Variants in FAM174B observed in about 807,000 individuals in gnomAD.
FAM174B encodes the protein membrane protein FAM174B.
In FAM174B, 12 loss-of-function variants were observed where a neutral mutation model predicts 10.9. The ratio of observed to expected loss-of-function variants is 1.10; its 90% CI spans 0.71 to 1.79. The LOEUF is 1.79. Among genes scored for constraint, FAM174B ranks in the 40% most tolerant of loss-of-function variants. The pLI, the probability that FAM174B is intolerant of heterozygous loss-of-function variation, is 0.00. For missense variants in FAM174B, 266 were observed against 233.3 expected (o/e 1.14, Z -0.91); for synonymous variants, 132 against 115.8 (o/e 1.14, Z -0.90).
intron 1 of FAM174B, among the ~76,000 whole-genome samples, chr15:92,642,586 G>C (rs568207435): frequency 1.8e-4 from 28 of 152,212 alleles, no homozygotes; most frequent in African/African-American, 6.3e-4. Flanking sequence ...GTTTTATAAG[G>C]GGATTTTCCC....
chr15:92,617,641 C>T lies in FAM174B; in HGVS notation c.*1815G>A. On this transcript the variant is annotated 3_prime_UTR_variant, in exon 3 of 3. Coordinates refer to ENST00000327355, the MANE Select transcript of FAM174B (RefSeq NM_207446.3). ...GATTCAGCTGCAGTTGTCGAAAACC[C>T]TGTGTGAGCCAGCAGTTCCAGTTCA... The T allele has an allele frequency of 1.5e-6, 1 of 663,186 alleles. No individual in the cohort carries two copies. The highest frequency in any genetic ancestry group is 2.9e-5 in the East Asian group (1 of 33,954). The allele number at this position is 663,186 out of a possible 1,614,324, so 41.1% of individuals were successfully genotyped here. A position where few individuals can be genotyped will look rare whatever the true frequency, so the allele number is the denominator to read the frequency against.
In FAM174B at chr15:92,655,665, G is replaced by C. The variant is rs1460134354; in HGVS notation, c.-6C>G. The stretch of plus-strand genomic sequence containing the variant: ...GGCAGCGGCACGGCGCGCATAGTGC[G>C]GTGGGTCGGCACAGGATCGGGCAGG... On this transcript the variant is annotated 5_prime_UTR_variant, in exon 1 of 3. Transcript: ENST00000327355. 5 of 1,259,044 alleles carry C rather than the reference G, an allele frequency of 4.0e-6. No homozygotes were observed. Among genetic ancestry groups the C allele is most frequent in the Non-Finnish European group, 9.9e-7 (1 of 1,007,274 alleles). 78.0% of individuals were successfully genotyped at this position (1,259,044 alleles called of 1,614,324 possible).
rs1229486296 is a variant in FAM174B, at chr15:92,655,398, G to C, written c.262C>G (p.Leu88Val). Residue 88 changes from leucine to valine, a missense_variant, in exon 1 of 3, where the codon CTA becomes GTA. Physicochemically the swap from Leu to Val is conservative, Grantham distance 32 (BLOSUM62 1). Transcript: ENST00000327355. ...VTRISILLRD[L>V]PTLKAAVIVA... ...ATCACGGCTGCCTTGAGGGTGGGTA[G>C]GTCGCGGAGGAGGATGGAAATGCGG... The C allele has an allele frequency of 1.2e-6, 2 of 1,600,470 alleles. No homozygotes were observed. The highest frequency in any genetic ancestry group is 8.5e-7 in the Non-Finnish European group (1 of 1,174,472).
chr15:92,639,004 G>A (rs1567047618), intron 1 of FAM174B, among the ~76,000 whole-genome samples: 1 of 152,232 alleles, frequency 6.6e-6, no homozygotes, highest in African/African-American at 2.4e-5. Flanking sequence ...CCTCCCGCCA[G>A]TGAGGCAAGG....
chr15:92,626,880 G>A (rs757860680), intron 2 of FAM174B, among the ~76,000 whole-genome samples: 16 of 151,832 alleles, frequency 1.1e-4, no homozygotes, highest in African/African-American at 3.4e-4. Context: ...GTGAAACCCC[G>A]TCACCACTAA....
chr15:92,642,158 CAAT>C (rs2050896017), intron 1 of FAM174B, among the ~76,000 whole-genome samples: 2 of 152,114 alleles, frequency 1.3e-5, no homozygotes, highest in Admixed American at 6.5e-5. Context: ...AAAAGACAGA[CAAT>C]AACAAATGTT....
At position 92,619,296 on chromosome 15, in the gene FAM174B, G is replaced by A; in HGVS notation, c.*160C>T. On this transcript the variant is annotated 3_prime_UTR_variant, in exon 3 of 3. Transcript: ENST00000327355. ...AACGAGCTTGCCAGTGACAGTCTGA[G>A]CAGATGCCTGACACGCACGATGGAG... The A allele has an allele frequency of 1.3e-6, 1 of 789,536 alleles. No homozygotes were observed. 48.9% of individuals were successfully genotyped at this position (789,536 alleles called of 1,614,324 possible). A position where few individuals can be genotyped will look rare whatever the true frequency, so the allele number is the denominator to read the frequency against.
At chr15:92,630,146 C>G in intron 2 of FAM174B, 68 bp downstream of exon 2, 1 of 1,546,352 alleles carries the variant, frequency 6.5e-7, no homozygotes, top group South Asian at 1.1e-5. Flanking sequence ...GGACACCATG[C>G]CTGACCTCGA....
rs1273047764 is a variant in FAM174B at position 92,619,360 on chromosome 15, C to T, written c.*96G>A. 2 of 1,470,648 alleles carry T rather than the reference C, an allele frequency of 1.4e-6. No individual in the cohort carries two copies. Among genetic ancestry groups the T allele is most frequent in the Admixed American group, 1.7e-5 (1 of 59,108 alleles). 91.1% of individuals were successfully genotyped at this position (1,470,648 alleles called of 1,614,324 possible). On this transcript the variant is annotated 3_prime_UTR_variant, in exon 3 of 3. Coordinates refer to ENST00000327355, the MANE Select transcript of FAM174B (RefSeq NM_207446.3). ...CATAACGTTCGTTTTGGTTTCAACA[C>T]CTCCGACGCAAGAGGGCTTCCAGGT...
intron 1 of FAM174B, among the ~76,000 whole-genome samples, chr15:92,630,598 A>G (rs914968073): frequency 1.4e-4 from 21 of 151,718 alleles, no homozygotes; most frequent in African/African-American, 5.1e-4. Context: ...CAAGTGAGTG[A>G]CCGACCTCGC....
At chr15:92,642,257 T>A (rs2050896656) in intron 1 of FAM174B, among the ~76,000 whole-genome samples, 1 of 152,242 alleles carries the variant, frequency 6.6e-6, no homozygotes, top group Non-Finnish European at 1.5e-5. Flanking sequence ...TTTGGCAGTT[T>A]GTCAAAAGGT....
At chr15:92,655,295 G>C in intron 1 of FAM174B, 21 bp downstream of exon 1, 1 of 1,524,952 alleles carries the variant, frequency 6.6e-7, no homozygotes, top group East Asian at 2.7e-5. Context: ...GCGGGGGAAG[G>C]AAGAGGGCGG....
chr15:92,655,415 G>A lies in FAM174B; in HGVS notation c.245C>T (p.Ser82Phe). 1 of 1,599,894 alleles carries A rather than the reference G, an allele frequency of 6.3e-7. No individual in the cohort carries two copies. Among genetic ancestry groups the A allele is most frequent in the Non-Finnish European group, 8.5e-7 (1 of 1,174,734 alleles). The stretch of plus-strand genomic sequence containing the variant: ...GGTGGGTAGGTCGCGGAGGAGGATG[G>A]AAATGCGGGTCACCAAGGCGTCGCC... ...SSGDALVTRI[S>F]ILLRDLPTLK... Residue 82 changes from serine to phenylalanine, a missense_variant, in exon 1 of 3, where the codon TCC becomes TTC. Transcript: ENST00000327355.
At chr15:92,647,606 A>C (rs1440488858) in intron 1 of FAM174B, among the ~76,000 whole-genome samples, 1 of 152,194 alleles carries the variant, frequency 6.6e-6, no homozygotes, top group Non-Finnish European at 1.5e-5. Flanking sequence ...AATGAAATAG[A>C]GATCATAAGA....
At chr15:92,643,344 A>ATGTGTGTGTGTGTG (rs61322216) in intron 1 of FAM174B, among the ~76,000 whole-genome samples, 20,303 of 137,958 alleles carry the variant, frequency 0.15, 1,769 homozygotes, top group Non-Finnish European at 0.18. Flanking sequence ...TAGGGAAGGA[A>ATGTGTGTGTGTGTG]TGTGTGTGTG....
chr15:92,636,676 C>T lies in FAM174B; in HGVS notation c.345-6331G>A, dbSNP rs950587692. On this transcript the variant is annotated intron_variant, in intron 1 of 2. Transcript: ENST00000327355. Reference sequence around the variant, plus strand: ...TAGACTGGAAGCAACTCGGGAAAATCACAGGGCATAGTGAGCACATATGAC... The same window carrying T: ...TAGACTGGAAGCAACTCGGGAAAATTACAGGGCATAGTGAGCACATATGAC... 3.9e-5 allele frequency among the ~76,000 whole-genome samples: 6 copies of T among 152,146 alleles called. No individual in the cohort carries two copies. In the East Asian group the frequency reaches 1.2e-3, roughly 29 times the overall value.
chr15:92,639,824 A>T (rs2050878886), intron 1 of FAM174B, among the ~76,000 whole-genome samples: 1 of 152,126 alleles, frequency 6.6e-6, no homozygotes. Flanking sequence ...TTCCACCATG[A>T]TTGGAAGCTT....
chr15:92,645,246 A>G (rs897408856), intron 1 of FAM174B, among the ~76,000 whole-genome samples: 3 of 152,144 alleles, frequency 2.0e-5, no homozygotes, highest in Admixed American at 1.3e-4. Context: ...TGCTTCCTCT[A>G]CCTCCTGGGC....
At chr15:92,641,709 A>G (rs1237680132) in intron 1 of FAM174B, among the ~76,000 whole-genome samples, 1 of 152,200 alleles carries the variant, frequency 6.6e-6, no homozygotes, top group Non-Finnish European at 1.5e-5. Context: ...TAAGAGCTAA[A>G]TTTTTAGAAA....
Sources: allele counts gnomAD v4.1 joint callset (sites outside exome capture counted in the v4.1 genomes callset), GRCh38; gene constraint gnomAD v4.1.1; transcripts MANE v1.5; gene names NCBI Gene and HGNC (gene_info 2026-07-23, HGNC 2026-07-21).